Variants in SCUBE3 observed in about 807,000 individuals in gnomAD.
SCUBE3 encodes the protein signal peptide, CUB and EGF-like domain-containing protein 3.
In SCUBE3, 33 loss-of-function variants were observed where a neutral mutation model predicts 116.8. That is an observed-to-expected ratio of 0.28 (90% CI 0.21 to 0.38). The LOEUF (loss-of-function observed/expected upper bound fraction) is 0.38, where lower values mean the gene tolerates loss of function less well. SCUBE3 is among the 10% of genes least tolerant of loss of function. SCUBE3 has a pLI of 1.00. For synonymous variants in SCUBE3, 418 were observed against 496.9 expected (o/e 0.84, Z 2.11); for missense variants, 1,007 against 1,324.8 (o/e 0.76, Z 3.72).
Position 35,245,997 on chromosome 6 carries a change from A to G in SCUBE3, c.2653A>G (p.Ile885Val). ...GACCTGCCAGACCTACGAGCGTCCC[A>G]TTGCCTTCACTGCCCGTTCCAGGAA... ...YETCQTYERP[I>V]AFTARSRKLW... The change falls in exon 20 of 22, where the codon ATT (isoleucine) becomes GTT (valine). Residue 885 changes from isoleucine (I) to valine (V), a missense_variant. Ile to Val is a conservative substitution (Grantham distance 29). Coordinates refer to ENST00000274938, the MANE Select transcript of SCUBE3 (RefSeq NM_152753.4). This position sits in a 1 kb window ranked among gnomAD's most constrained non-coding sequence, Gnocchi z 4.2. 2 of 1,614,148 alleles carry G rather than the reference A, an allele frequency of 1.2e-6. No individual in the cohort carries two copies. Among genetic ancestry groups the G allele is most frequent in the Non-Finnish European group, 1.7e-6 (2 of 1,180,016 alleles).
Position 35,245,150 on chromosome 6 carries a change from A to T in SCUBE3, c.2402-78A>T. ...ATAAATGTCTGACCTCTACTTCAGA[A>T]CTCTTCAATTCCCCCAGCACACTTC... On this transcript the variant is annotated intron_variant, in intron 18 of 21. Coordinates refer to ENST00000274938, the MANE Select transcript of SCUBE3 (RefSeq NM_152753.4). This position sits in a 1 kb window ranked among gnomAD's most constrained non-coding sequence, Gnocchi z 4.2. 2.3e-6 allele frequency: 3 copies of T among 1,315,390 alleles called. No individual in the cohort carries two copies. Among genetic ancestry groups the T allele is most frequent in the Non-Finnish European group, 3.3e-6 (3 of 914,308 alleles). The allele number at this position is 1,315,390 out of a possible 1,614,324, so 81.5% of individuals were successfully genotyped here. A position where few individuals can be genotyped will look rare whatever the true frequency, so the allele number is the denominator to read the frequency against.
In SCUBE3 at chr6:35,237,963, C is replaced by A; in HGVS notation, c.774C>A (p.Val258=). The change falls in exon 7 of 22, where the codon GTC becomes GTA. Residue 258 remains valine, a synonymous_variant. Transcript: ENST00000274938. ...DSKCHDAATG[V]HCTCPVGFML... Reference sequence around the variant, plus strand: ...AGTGCCATGATGCAGCGACTGGTGTCCACTGCACCTGCCCTGTGGGCTTCA... The same window carrying A: ...AGTGCCATGATGCAGCGACTGGTGTACACTGCACCTGCCCTGTGGGCTTCA... 1.2e-6 allele frequency: 2 copies of A among 1,612,810 alleles called. No homozygotes were observed. Among genetic ancestry groups the A allele is most frequent in the Non-Finnish European group, 1.7e-6 (2 of 1,178,866 alleles).
intron 1 of SCUBE3, among the ~76,000 whole-genome samples, chr6:35,218,778 T>C (rs1004636613): frequency 6.6e-6 from 1 of 152,118 alleles, no homozygotes; most frequent in African/African-American, 2.4e-5. Flanking sequence ...CACTGGCCAC[T>C]TAACATTGGA....
At chr6:35,246,713 C>CT (rs1397912104) in intron 21 of SCUBE3, among the ~76,000 whole-genome samples, 13 of 152,246 alleles carry the variant, frequency 8.5e-5, no homozygotes, top group African/African-American at 3.1e-4. Flanking sequence ...TGGTGGTTCA[C>CT]GCCTGTCATC....
chr6:35,242,216 T>C lies in SCUBE3; in HGVS notation c.1430T>C (p.Leu477Pro), dbSNP rs770616373. Residue 477 changes from leucine (L) to proline (P), a missense_variant, in exon 13 of 22, where the codon CTG (leucine) becomes CCG (proline). Leu to Pro is a moderately conservative substitution (Grantham distance 98). Around this residue, in one of 5 missense-constraint regions of SCUBE3, gnomAD observed 544 missense variants for 638.9 expected, o/e 0.85. Transcript: ENST00000274938. Reference protein sequence around the residue: ...NSNHCHEAAVLSIKQRASFKI... With the variant: ...NSNHCHEAAVPSIKQRASFKI... ...ACCATCCCTCTAGAGGCTGCAGTGC[T>C]GTCCATTAAACAACGGGCCTCCTTC... The C allele has an allele frequency of 1.9e-6, 3 of 1,613,020 alleles. No individual in the cohort carries two copies. The highest frequency in any genetic ancestry group is 2.2e-5 in the South Asian group (2 of 91,042).
chr6:35,219,745 G>T lies in SCUBE3; in HGVS notation c.85+5242G>T, dbSNP rs940803309. Among the ~76,000 whole-genome samples the T allele has an allele frequency of 1.3e-4, 20 of 152,156 alleles. No individual in the cohort carries two copies. Among genetic ancestry groups the T allele is most frequent in the African/African-American group, 4.8e-4 (20 of 41,424 alleles). On this transcript the variant is annotated intron_variant, in intron 1 of 21. Coordinates refer to ENST00000274938, the MANE Select transcript of SCUBE3 (RefSeq NM_152753.4). This position sits in a 1 kb window ranked among gnomAD's most constrained non-coding sequence, Gnocchi z 4.7. ...GAGTGCTTGAAGGGTAGACCCTGGGGAGCAGGTTTACAGAGAGGACGTTTT... is the reference window on the plus strand; with the variant it reads ...GAGTGCTTGAAGGGTAGACCCTGGGTAGCAGGTTTACAGAGAGGACGTTTT...
intron 2 of SCUBE3, 108 bp downstream of exon 2, chr6:35,227,810 T>TG: frequency 1.0e-6 from 1 of 972,978 alleles, no homozygotes; most frequent in South Asian, 1.5e-5. Context: ...GAAATTCCAC[T>TG]GGTCAAGTGG....
Position 35,242,660 on chromosome 6 carries a change from C to T in SCUBE3, c.1573C>T (p.His525Tyr). ...PCSECQVTFI[H>Y]LKCDSSRKGK... ...CTCTGAATGCCAGGTCACCTTCATC[C>T]ACCTTAAGTGTGACTCCTCTCGGAA... Residue 525 changes from histidine to tyrosine, a missense_variant, in exon 14 of 22, where the codon CAC (histidine) becomes TAC (tyrosine). Transcript: ENST00000274938. The T allele has an allele frequency of 6.2e-7, 1 of 1,613,564 alleles. No individual in the cohort carries two copies. The highest frequency in any genetic ancestry group is 8.5e-7 in the Non-Finnish European group (1 of 1,179,510).
At chr6:35,248,163 C>T (rs188911848) in intron 21 of SCUBE3, among the ~76,000 whole-genome samples, 9 of 75,376 alleles carry the variant, frequency 1.2e-4, no homozygotes, top group Admixed American at 8.1e-4. Context: ...GAAGAGTCTA[C>T]GGAGGGACAA....
intron 7 of SCUBE3, among the ~76,000 whole-genome samples, chr6:35,238,582 T>A (rs758199016): frequency 6.6e-6 from 1 of 152,210 alleles, no homozygotes; most frequent in African/African-American, 2.4e-5. Flanking sequence ...CAGTTTTCCA[T>A]AGTGCTCGCC....
At chr6:35,242,904 A>C in intron 14 of SCUBE3, 117 bp from the exon 15 acceptor site, 2 of 1,493,694 alleles carry the variant, frequency 1.3e-6, no homozygotes, top group Non-Finnish European at 1.9e-6. Context: ...GCCTGGTGCC[A>C]AGCCTAAAAG....
In SCUBE3 at chr6:35,249,441, G is replaced by C. The variant is rs915475869; in HGVS notation, c.*736G>C. The C allele has an allele frequency of 6.6e-6, 1 of 152,238 alleles. No homozygotes were observed. Among genetic ancestry groups the C allele is most frequent in the Non-Finnish European group, 1.5e-5 (1 of 68,058 alleles). 9.4% of individuals were successfully genotyped at this position (152,238 alleles called of 1,614,324 possible). On this transcript the variant is annotated 3_prime_UTR_variant, in exon 22 of 22. Transcript: ENST00000274938. Reference sequence around the variant, plus strand: ...GGTGAATGCCCCGCTGTAGCTCCCTGAGAGAAAGACTGTAACTCTGCAGGA... The same window carrying C: ...GGTGAATGCCCCGCTGTAGCTCCCTCAGAGAAAGACTGTAACTCTGCAGGA...
chr6:35,222,709 C>T (rs1470548187), intron 1 of SCUBE3: 1 of 152,208 alleles, frequency 6.6e-6, no homozygotes, highest in Non-Finnish European at 1.5e-5. Context: ...CACTTCACCC[C>T]CATTCTTTGT....
In SCUBE3 at chr6:35,241,850, A is replaced by AG; in HGVS notation, c.1360dup (p.Ala454GlyfsTer20). 1 of 1,612,980 alleles carries AG rather than the reference A, an allele frequency of 6.2e-7. No individual in the cohort carries two copies. Among genetic ancestry groups the AG allele is most frequent in the South Asian group, 1.1e-5 (1 of 91,086 alleles). ...GGTGAGCTGTGGGACCCCCAGCCCC[A>AG]GGGCTGCTCCAGCCCGAGCTGGCCA... On this transcript the variant is annotated frameshift_variant, in exon 12 of 22. Coordinates refer to ENST00000274938, the MANE Select transcript of SCUBE3 (RefSeq NM_152753.4). LOFTEE classifies it high-confidence loss of function. The surrounding 1 kb of genome is among the most constrained non-coding windows in gnomAD (Gnocchi z 4.1).
At position 35,227,640 on chromosome 6, in the gene SCUBE3, C is replaced by T. The variant is rs377685439; in HGVS notation, c.146C>T (p.Thr49Ile). Residue 49 changes from threonine (T) to isoleucine (I), a missense_variant, in exon 2 of 22, where the codon ACC becomes ATC. By Grantham distance (89) the Thr-to-Ile change is moderately conservative. Transcript: ENST00000274938. ...CACATCGATGCTATCTGCCAGAACA[C>T]CCCGAGGTCATACAAGTGCATCTGC... ...NCHIDAICQN[T>I]PRSYKCICKS... is the part of the protein sequence containing the mutation. 1.9e-5 allele frequency: 30 copies of T among 1,614,082 alleles called. No homozygotes were observed. In the African/African-American group the frequency reaches 3.5e-4, roughly 19 times the overall value.
In SCUBE3 at chr6:35,239,766, C is replaced by A; in HGVS notation, c.844C>A (p.Arg282Ser). ...TCCTTCTTCAGATATAGATGAGTGC[C>A]GCTTAAACAACGGGGGCTGTGACCA... ...RKTCKDIDEC[R>S]LNNGGCDHIC... The change falls in exon 8 of 22, where the codon CGC becomes AGC. Residue 282 changes from arginine to serine, a missense_variant. Arg to Ser is a moderately radical substitution (Grantham distance 110, BLOSUM62 -1). Transcript: ENST00000274938. The surrounding 1 kb of genome is among the most constrained non-coding windows in gnomAD (Gnocchi z 4.1). 10 of 1,611,672 alleles carry A rather than the reference C, an allele frequency of 6.2e-6. No homozygotes were observed. The highest frequency in any genetic ancestry group is 8.5e-6 in the Non-Finnish European group (10 of 1,179,148).
chr6:35,230,706 A>G (rs1261385887), intron 3 of SCUBE3, among the ~76,000 whole-genome samples: 1 of 152,224 alleles, frequency 6.6e-6, no homozygotes, highest in Non-Finnish European at 1.5e-5. Flanking sequence ...TCTCTTGGGC[A>G]AGAGCCAGCT....
chr6:35,239,264 A>C lies in SCUBE3; in HGVS notation c.830-488A>C, dbSNP rs1783919278. Reference sequence around the variant, plus strand: ...TTTCCCAGCTCCTCCTCCTCCCTAAAGGGCTGCCCGTTTTCAGTGAGTCCC... The same window carrying C: ...TTTCCCAGCTCCTCCTCCTCCCTAACGGGCTGCCCGTTTTCAGTGAGTCCC... On this transcript the variant is annotated intron_variant, in intron 7 of 21. Coordinates refer to ENST00000274938, the MANE Select transcript of SCUBE3 (RefSeq NM_152753.4). The surrounding 1 kb of genome is among the most constrained non-coding windows in gnomAD (Gnocchi z 4.1). Among the ~76,000 whole-genome samples the C allele has an allele frequency of 6.6e-6, 1 of 151,782 alleles. No individual in the cohort carries two copies. Among genetic ancestry groups the C allele is most frequent in the Non-Finnish European group, 1.5e-5 (1 of 67,934 alleles).
At position 35,239,975 on chromosome 6, in the gene SCUBE3, A is replaced by C; in HGVS notation, c.952+101A>C. The C allele has an allele frequency of 4.8e-6, 5 of 1,036,148 alleles. No homozygotes were observed. Among genetic ancestry groups the C allele is most frequent in the Non-Finnish European group, 6.8e-6 (5 of 734,344 alleles). 64.2% of individuals were successfully genotyped at this position (1,036,148 alleles called of 1,614,324 possible). The stretch of plus-strand genomic sequence containing the variant: ...AAGTCTTAGAAACTCAATAGATATC[A>C]CACAGAGTCTCTAGAGGCAGTGTCA... On this transcript the variant is annotated intron_variant, in intron 8 of 21. Coordinates refer to ENST00000274938, the MANE Select transcript of SCUBE3 (RefSeq NM_152753.4). The surrounding 1 kb of genome is among the most constrained non-coding windows in gnomAD (Gnocchi z 4.1).
Sources: gnomAD v4.1 joint callset for allele counts (sites outside exome capture counted in the v4.1 genomes callset) on GRCh38, gnomAD v4.1.1 for gene constraint, gnomAD v4.1.1 regional missense constraint, Gnocchi (gnomAD v3.1) non-coding constraint, MANE v1.5 for transcripts, NCBI Gene and HGNC (gene_info 2026-07-23, HGNC 2026-07-21) for gene names.